FAM13C: variants seen among roughly 807,000 people sequenced by gnomAD.
FAM13C encodes the protein family with sequence similarity 13 member C.
Under a neutral mutation model 73.2 loss-of-function variants are expected in FAM13C, and 37 were observed. The ratio of observed to expected loss-of-function variants is 0.51; its 90% CI spans 0.39 to 0.67. FAM13C has a LOEUF of 0.67. Among genes scored for constraint, FAM13C ranks in the 30% least tolerant of loss-of-function variants. FAM13C has a pLI of 0.00. For synonymous variants in FAM13C, 246 were observed against 260.9 expected (o/e 0.94, Z 0.55); for missense variants, 589 against 715.6 (o/e 0.82, Z 2.02).
chr10:59,265,450 G>A (rs1842974430), intron 8 of FAM13C, among the ~76,000 whole-genome samples: 1 of 151,104 alleles, frequency 6.6e-6, no homozygotes. Flanking sequence ...GTATCGTCTA[G>A]TACTTTGGTT....
intron 4 of FAM13C, among the ~76,000 whole-genome samples, chr10:59,304,647 G>A (rs1216830048): frequency 1.3e-5 from 2 of 151,216 alleles, no homozygotes; most frequent in African/African-American, 2.4e-5. Flanking sequence ...ATAACTAATG[G>A]GTACTAGGCT....
At chr10:59,269,486 T>C (rs1293017782) in intron 7 of FAM13C, among the ~76,000 whole-genome samples, 1 of 151,964 alleles carries the variant, frequency 6.6e-6, no homozygotes, top group Non-Finnish European at 1.5e-5. Context: ...AAGCTACCAC[T>C]TTTCTAGAAT....
Position 59,302,816 on chromosome 10 carries a change from C to A in FAM13C, c.492G>T (p.Arg164=), listed in dbSNP as rs147432976. The A allele has an allele frequency of 1.4e-5, 22 of 1,613,964 alleles. No individual in the cohort carries two copies. In the African/African-American group the frequency reaches 2.0e-4, roughly 15 times the overall value. ...TTGCACGTACCTCATTTAAGTCCTG[C>A]CGAGTTTCAAAAGCATCCTTTGGCG... is the stretch of plus-strand genomic sequence containing the variant. ...AISPKDAFET[R]QDLNEEEAAQ... Residue 164 remains arginine (R), a synonymous_variant, in exon 5 of 14, where the codon CGG becomes CGT. Coordinates refer to ENST00000618804, the MANE Select transcript of FAM13C (RefSeq NM_198215.4).
At chr10:59,300,154 C>A (rs1847420024) in intron 5 of FAM13C, among the ~76,000 whole-genome samples, 1 of 152,152 alleles carries the variant, frequency 6.6e-6, no homozygotes, top group Non-Finnish European at 1.5e-5. Flanking sequence ...GGTCAAGTGC[C>A]AGCTCTGGAA....
intron 3 of FAM13C, among the ~76,000 whole-genome samples, chr10:59,346,863 G>A (rs564495250): frequency 1.8e-4 from 28 of 152,096 alleles, no homozygotes; most frequent in Admixed American, 3.3e-4. Flanking sequence ...TTTGGAAAGG[G>A]TGTTTTCTAT....
intron 1 of FAM13C, among the ~76,000 whole-genome samples, chr10:59,358,430 G>A (rs1457499157): frequency 1.3e-5 from 2 of 152,110 alleles, no homozygotes; most frequent in African/African-American, 2.4e-5. Context: ...TTACTTTCTT[G>A]CCAATAGTCC....
rs565348878 is a variant in FAM13C at position 59,293,186 on chromosome 10, G to T, written c.507+9615C>A. On this transcript the variant is annotated intron_variant, in intron 5 of 13. Coordinates refer to ENST00000618804, the MANE Select transcript of FAM13C (RefSeq NM_198215.4). ...CCTCCTGGGTTCACGCCATTCTCCTGCCTCAGCCTCCTGAGTAGCTGGGAC... is the reference window on the plus strand; with the variant it reads ...CCTCCTGGGTTCACGCCATTCTCCTTCCTCAGCCTCCTGAGTAGCTGGGAC... Among the ~76,000 whole-genome samples, 7 of 141,030 alleles carry T rather than the reference G, an allele frequency of 5.0e-5. No homozygotes were observed. In the South Asian group the frequency reaches 1.6e-3, roughly 32 times the overall value. 92.5% of individuals were successfully genotyped at this position (141,030 alleles called of 152,430 possible). A position where few individuals can be genotyped will look rare whatever the true frequency, so the allele number is the denominator to read the frequency against.
chr10:59,323,920 G>T, intron 4 of FAM13C, 68 bp downstream of exon 4: 2 of 1,307,320 alleles, frequency 1.5e-6, no homozygotes, highest in Non-Finnish European at 2.2e-6. Context: ...TGTGGGAGTG[G>T]CAAGCACACA....
chr10:59,332,958 T>G (rs977044769), intron 3 of FAM13C, among the ~76,000 whole-genome samples: 1 of 152,012 alleles, frequency 6.6e-6, no homozygotes, highest in Non-Finnish European at 1.5e-5. Context: ...TGCTAATTTC[T>G]GGGGAGTATT....
chr10:59,302,723 C>T, intron 5 of FAM13C, 78 bp downstream of exon 5: 2 of 1,342,188 alleles, frequency 1.5e-6, no homozygotes, highest in Non-Finnish European at 1.1e-6. Context: ...AGAATGAATT[C>T]CTAGTACTGT....
rs71006241 is a variant in FAM13C at position 59,249,408 on chromosome 10, GAAAAAAAAAAA to G, written c.1635-1682_1635-1672del. 3.4e-4 allele frequency among the ~76,000 whole-genome samples: 34 copies of G among 99,172 alleles called. No individual in the cohort carries two copies. In the East Asian group the frequency reaches 5.3e-3, roughly 15 times the overall value. The allele number at this position is 99,172 out of a possible 152,430, so 65.1% of individuals were successfully genotyped here. The stretch of plus-strand genomic sequence containing the variant: ...GACAGAGTGAGACTCCGTCTCAAAA[GAAAAAAAAAAA>G]AAAAAAAAAAAGAGTGCTTTGACAA... On this transcript the variant is annotated intron_variant, in intron 13 of 13. Coordinates refer to ENST00000618804, the MANE Select transcript of FAM13C (RefSeq NM_198215.4).
At chr10:59,254,497 C>A in intron 10 of FAM13C, 54 bp from the exon 11 acceptor site, 1 of 1,086,652 alleles carries the variant, frequency 9.2e-7, no homozygotes, top group South Asian at 2.5e-5. Flanking sequence ...ATGAAAACGT[C>A]AACATTTTTA....
chr10:59,352,399 C>A lies in FAM13C; in HGVS notation c.195G>T (p.Pro65=), dbSNP rs751705308. ...CGGTCGCCTCTACATTCTGCTGCTG[C>A]GGCTCCCAAGAGGGCGGCGCGTGCT... ...VEEHAPPSWE[P]QQQNVEATVL... Residue 65 remains proline (P), a synonymous_variant, in exon 3 of 14, where the codon CCG becomes CCT. Transcript: ENST00000618804. 3 of 1,613,858 alleles carry A rather than the reference C, an allele frequency of 1.9e-6. No homozygotes were observed. The highest frequency in any genetic ancestry group is 1.3e-5 in the African/African-American group (1 of 74,904).
chr10:59,345,804 T>C (rs1303287049), intron 3 of FAM13C, among the ~76,000 whole-genome samples: 1 of 152,192 alleles, frequency 6.6e-6, no homozygotes, highest in Non-Finnish European at 1.5e-5. Context: ...GAACAAATCT[T>C]CCAGCAAACC....
At chr10:59,345,064 A>G (rs1185281555) in intron 3 of FAM13C, among the ~76,000 whole-genome samples, 1 of 152,206 alleles carries the variant, frequency 6.6e-6, no homozygotes, top group Non-Finnish European at 1.5e-5. Context: ...TTATTTAAGT[A>G]TGTAAAAGAT....
intron 10 of FAM13C, among the ~76,000 whole-genome samples, chr10:59,259,368 G>C (rs1362317552): frequency 6.6e-6 from 1 of 152,184 alleles, no homozygotes; most frequent in Non-Finnish European, 1.5e-5. Flanking sequence ...AAGGACCCCA[G>C]ATGAAAGCCA....
chr10:59,288,256 C>T (rs894800742), intron 5 of FAM13C, among the ~76,000 whole-genome samples: 15 of 152,082 alleles, frequency 9.9e-5, no homozygotes, highest in Non-Finnish European at 2.1e-4. Flanking sequence ...CTTTGGGAGG[C>T]CGAGGTGGGT....
chr10:59,337,324 GA>G (rs1423731467), intron 3 of FAM13C, among the ~76,000 whole-genome samples: 4 of 152,238 alleles, frequency 2.6e-5, no homozygotes, highest in African/African-American at 9.6e-5. Flanking sequence ...CAGACTTCCA[GA>G]AGCTGGAATG....
intron 6 of FAM13C, among the ~76,000 whole-genome samples, chr10:59,278,835 C>CACAT (rs1457837700): frequency 1.1e-5 from 1 of 89,514 alleles, no homozygotes; most frequent in Non-Finnish European, 2.1e-5. Flanking sequence ...CATACACATA[C>CACAT]ACACACACAC....
Sources: gnomAD v4.1 joint callset for allele counts (sites outside exome capture counted in the v4.1 genomes callset) on GRCh38, gnomAD v4.1.1 for gene constraint, MANE v1.5 for transcripts, NCBI Gene and HGNC (gene_info 2026-07-23, HGNC 2026-07-21) for gene names.